The following LHFPL2 variants were observed in gnomAD, a reference collection of about 807,000 sequenced individuals.
LHFPL2 encodes LHFPL tetraspan subfamily member 2.
A neutral mutation model predicts 17.5 loss-of-function variants in LHFPL2; 7 were observed. The observed-to-expected ratio is 0.40, with a 90% confidence interval of 0.23 to 0.75. The LOEUF is 0.75. Ranked by LOEUF, LHFPL2 falls within the 30% of genes least tolerant of loss-of-function variation. The pLI, the probability that LHFPL2 is intolerant of heterozygous loss-of-function variation, is 0.37. For synonymous variants in LHFPL2, 134 were observed against 116.2 expected, an observed-to-expected ratio of 1.15 and a Z score of -0.99; for missense variants, 241 against 294.8, an observed-to-expected ratio of 0.82 and a Z score of 1.34.
intron 4 of LHFPL2, among the ~76,000 whole-genome samples, chr5:78,507,776 A>C (rs1412842796): frequency 6.6e-6 from 1 of 152,182 alleles, no homozygotes. Context: ...GTGCAAATAC[A>C]ACAGAGCGAG....
Position 78,563,401 on chromosome 5 carries a change from G to C in LHFPL2, c.-186+1412C>G, listed in dbSNP as rs539227969. ...ACTAAATAAATACGGAGTAGATAAA[G>C]ATTATCAGTTTGGGCCGACCATGGT... On this transcript the variant is annotated intron_variant, in intron 3 of 4. Coordinates refer to ENST00000380345, the MANE Select transcript of LHFPL2 (RefSeq NM_005779.3). 1.2e-4 allele frequency among the ~76,000 whole-genome samples: 18 copies of C among 152,162 alleles called. 1 individual carries two copies. In the South Asian group the frequency reaches 3.7e-3, roughly 32 times the overall value.
intron 2 of LHFPL2, among the ~76,000 whole-genome samples, chr5:78,629,173 A>G (rs369357422): frequency 7.9e-5 from 12 of 152,358 alleles, no homozygotes; most frequent in African/African-American, 2.6e-4. Flanking sequence ...AAAGGCCCAT[A>G]GTGTTAAGAA....
chr5:78,578,585 G>GCACACACACACACA lies in LHFPL2; in HGVS notation c.-244-13728_-244-13715dup, dbSNP rs61127481. Among the ~76,000 whole-genome samples, 164 of 146,994 alleles carry GCACACACACACACA rather than the reference G, an allele frequency of 1.1e-3. 1 individual carries two copies. Among genetic ancestry groups the GCACACACACACACA allele is most frequent in the African/African-American group, 3.9e-3 (155 of 40,062 alleles). ...CTTAGGCTGTTTTTCTTGCATATGT[G>GCACACACACACACA]CACACACACACACACACACACACAC... is the stretch of plus-strand genomic sequence containing the variant. On this transcript the variant is annotated intron_variant, in intron 2 of 4. Transcript: ENST00000380345.
At chr5:78,631,935 CAA>C (rs35424661) in intron 2 of LHFPL2, among the ~76,000 whole-genome samples, 7 of 104,520 alleles carry the variant, frequency 6.7e-5, no homozygotes, top group Admixed American at 1.1e-4. Context: ...GACTCCATCT[CAA>C]AAAAAAAAAA....
chr5:78,561,945 C>G (rs1210862593), intron 3 of LHFPL2, among the ~76,000 whole-genome samples: 14 of 152,190 alleles, frequency 9.2e-5, no homozygotes, highest in Admixed American at 9.2e-4. Flanking sequence ...TCAAAGCCTT[C>G]TCACAATTCT....
At chr5:78,581,715 C>A (rs1216777454) in intron 2 of LHFPL2, among the ~76,000 whole-genome samples, 47 of 148,138 alleles carry the variant, frequency 3.2e-4, no homozygotes, top group Non-Finnish European at 3.6e-4. Flanking sequence ...AGGATTTTTG[C>A]ATCAATGTTC....
At chr5:78,557,998 G>T (rs894793474) in intron 3 of LHFPL2, among the ~76,000 whole-genome samples, 1 of 152,182 alleles carries the variant, frequency 6.6e-6, no homozygotes, top group Admixed American at 6.5e-5. Context: ...CAAGAGAATA[G>T]AGATTAAATC....
chr5:78,579,961 AC>A (rs915401545), intron 2 of LHFPL2, among the ~76,000 whole-genome samples: 1 of 152,206 alleles, frequency 6.6e-6, no homozygotes, highest in African/African-American at 2.4e-5. Flanking sequence ...TTACAGTCCC[AC>A]CAACAGTGTA....
At chr5:78,643,005 C>A (rs1371679678) in intron 1 of LHFPL2, among the ~76,000 whole-genome samples, 2 of 152,124 alleles carry the variant, frequency 1.3e-5, no homozygotes, top group Non-Finnish European at 2.9e-5. Flanking sequence ...CACCTTATGG[C>A]CATGGAGCTG....
At chr5:78,645,897 T>C (rs1197889626) in intron 1 of LHFPL2, among the ~76,000 whole-genome samples, 2 of 152,188 alleles carry the variant, frequency 1.3e-5, no homozygotes, top group East Asian at 3.8e-4. Context: ...AGGCATATAT[T>C]AAAGCTTTTT....
At position 78,510,206 on chromosome 5, in the gene LHFPL2, T is replaced by C. The variant is rs116579975; in HGVS notation, c.8A>G (p.His3Arg). 3.3e-5 allele frequency: 52 copies of C among 1,586,058 alleles called. No homozygotes were observed. The African/African-American group carries it at 6.8e-4, about 21-fold the overall frequency. ...CATCGAGCGACAGGTGACAATGACA[T>C]GACACATATTGATGTTCCGGGCGAA... MC[H>R]VIVTCRSMLW... is the part of the protein sequence containing the mutation. The change falls in exon 4 of 5, where the codon CAT (histidine) becomes CGT (arginine). Residue 3 changes from histidine to arginine, a missense_variant. By Grantham distance (29) the His-to-Arg change is conservative (BLOSUM62 0). Transcript: ENST00000380345.
intron 2 of LHFPL2, among the ~76,000 whole-genome samples, chr5:78,620,619 C>A (rs1046338177): frequency 6.6e-6 from 1 of 152,280 alleles, no homozygotes; most frequent in East Asian, 1.9e-4. Context: ...TTTTCATGGT[C>A]ACGAATGGGG....
intron 2 of LHFPL2, among the ~76,000 whole-genome samples, chr5:78,609,840 T>C (rs1022729027): frequency 2.3e-5 from 3 of 132,768 alleles, no homozygotes; most frequent in African/African-American, 7.7e-5. Flanking sequence ...GTCATTGGTG[T>C]ACCTAAAAAA....
intron 2 of LHFPL2, among the ~76,000 whole-genome samples, chr5:78,581,786 A>T (rs77805664): frequency 4.1e-4 from 61 of 149,350 alleles, no homozygotes; most frequent in South Asian, 1.1e-3. Flanking sequence ...CTTTGGTATC[A>T]GGATGATGCT....
intron 1 of LHFPL2, among the ~76,000 whole-genome samples, chr5:78,646,785 T>A (rs1179822873): frequency 3.9e-5 from 6 of 152,210 alleles, no homozygotes; most frequent in Admixed American, 3.9e-4. Context: ...CATTACTTCT[T>A]CCAGAAGGCA....
intron 4 of LHFPL2, 24 bp downstream of exon 4, chr5:78,509,760 G>T: frequency 6.3e-7 from 1 of 1,596,828 alleles, no homozygotes. Context: ...CCATCCCACC[G>T]TGCCCGGGGT....
chr5:78,629,462 A>T (rs914496128), intron 2 of LHFPL2, among the ~76,000 whole-genome samples: 3 of 152,370 alleles, frequency 2.0e-5, no homozygotes, highest in African/African-American at 7.2e-5. Context: ...GAAATGGAAT[A>T]GAGCAAACTC....
intron 3 of LHFPL2, among the ~76,000 whole-genome samples, chr5:78,560,678 C>T (rs929221274): frequency 6.6e-6 from 1 of 152,202 alleles, no homozygotes; most frequent in Non-Finnish European, 1.5e-5. Flanking sequence ...AGCTGTATTA[C>T]ACAAGGCTTA....
At chr5:78,551,322 A>G (rs752480715) in intron 3 of LHFPL2, among the ~76,000 whole-genome samples, 1 of 152,212 alleles carries the variant, frequency 6.6e-6, no homozygotes, top group Non-Finnish European at 1.5e-5. Flanking sequence ...TCATTTGGGG[A>G]GCCTTTTTGA....
Sources: gnomAD v4.1 joint callset for allele counts (sites outside exome capture counted in the v4.1 genomes callset) on GRCh38, gnomAD v4.1.1 for gene constraint, MANE v1.5 for transcripts, NCBI Gene and HGNC (gene_info 2026-07-23, HGNC 2026-07-21) for gene names.